The following B4GALT3 variants were observed in gnomAD, a reference collection of about 807,000 sequenced individuals.
B4GALT3 encodes beta-1,4-galactosyltransferase 3.
B4GALT3 carries 29 observed loss-of-function variants against 40.7 expected under a neutral mutation model. The observed-to-expected ratio is 0.71, with a 90% confidence interval of 0.53 to 0.97. The LOEUF (loss-of-function observed/expected upper bound fraction) is 0.97, where lower values mean the gene tolerates loss of function less well. Among genes scored for constraint, B4GALT3 ranks in the 50% least tolerant of loss-of-function variants. The pLI is 0.00. For missense variants in B4GALT3, 390 were observed against 522.3 expected (o/e 0.75, Z 2.47); for synonymous variants, 182 against 203.9 (o/e 0.89, Z 0.92).
chr1:161,171,356 C>T lies in B4GALT3; in HGVS notation c.*460G>A. On this transcript the variant is annotated 3_prime_UTR_variant, in exon 8 of 8. Transcript: ENST00000319769. ...AGAAAATATATCAAAATCCCAGCCC[C>T]CTGAGCCAGGACCAGAAGAGGGAGC... The T allele has an allele frequency of 9.0e-7, 1 of 1,107,970 alleles. No individual in the cohort carries two copies. Among genetic ancestry groups the T allele is most frequent in the Admixed American group, 2.1e-5 (1 of 47,556 alleles). 68.6% of individuals were successfully genotyped at this position (1,107,970 alleles called of 1,614,324 possible). A position where few individuals can be genotyped will look rare whatever the true frequency, so the allele number is the denominator to read the frequency against.
chr1:161,174,074 G>A (rs1416503427), intron 4 of B4GALT3, 25 bp from the exon 5 acceptor site: 1 of 1,607,798 alleles, frequency 6.2e-7, no homozygotes, highest in Admixed American at 1.7e-5. Flanking sequence ...AGGGGAACCA[G>A]ACTATGTCTG....
chr1:161,177,407 T>G lies in B4GALT3; in HGVS notation c.-161+16A>C. On this transcript the variant is annotated intron_variant, in intron 1 of 7. Transcript: ENST00000319769. ...TATCCCAGGCCTCCGTGTCGACGCA[T>G]TCCCAGCGCACATACCTGGTCTTTT... is the stretch of plus-strand genomic sequence containing the variant. The G allele has an allele frequency of 8.1e-6, 2 of 248,444 alleles. No individual in the cohort carries two copies. Among genetic ancestry groups the G allele is most frequent in the Non-Finnish European group, 1.6e-5 (2 of 123,602 alleles). 15.4% of individuals were successfully genotyped at this position (248,444 alleles called of 1,614,324 possible).
intron 2 of B4GALT3, 64 bp from the exon 3 acceptor site, chr1:161,176,138 T>TAGGTAGGGTTGA: frequency 6.4e-7 from 1 of 1,557,952 alleles, no homozygotes; most frequent in East Asian, 2.3e-5. Context: ...GAGAGGTCAG[T>TAGGTAGGGTTGA]AGGTAGGGTT....
chr1:161,175,091 G>T lies in B4GALT3; in HGVS notation c.391C>A (p.His131Asn). Reference protein sequence around the residue: ...PRSRTAIIVPHRAREHHLRLL... With the variant: ...PRSRTAIIVPNRAREHHLRLL... ...CGCAGGTGGTGCTCCCGGGCACGAT[G>T]AGGCACAATGATGGCTGTTCGGGAG... Residue 131 changes from histidine to asparagine, a missense_variant, in exon 4 of 8, where the codon CAT (histidine) becomes AAT (asparagine). Physicochemically the swap from His to Asn is moderately conservative, Grantham distance 68. Around this residue, in one of 3 missense-constraint regions of B4GALT3, gnomAD observed 183 missense variants for 223.2 expected, o/e 0.82. Transcript: ENST00000319769. 1 of 1,614,076 alleles carries T rather than the reference G, an allele frequency of 6.2e-7. No homozygotes were observed.
intron 6 of B4GALT3, 99 bp downstream of exon 6, chr1:161,173,506 G>A: frequency 3.2e-6 from 5 of 1,546,156 alleles, no homozygotes; most frequent in Non-Finnish European, 3.5e-6. Flanking sequence ...CAGGACCAGG[G>A]AGCTAAAGGT....
At position 161,175,826 on chromosome 1, in the gene B4GALT3, C is replaced by T. The variant is rs747427105; in HGVS notation, c.235G>A (p.Glu79Lys). ...PAPQGLPYCP[E>K]RSPLLVGPVS... The stretch of plus-strand genomic sequence containing the variant: ...CACTTACCTAAGAGAGGAGATCGTT[C>T]TGGACAGTAGGGCAGACCTTGAGGA... The change falls in exon 3 of 8, where the codon GAA becomes AAA. Residue 79 changes from glutamate to lysine, a missense_variant. Coordinates refer to ENST00000319769, the MANE Select transcript of B4GALT3 (RefSeq NM_003779.4). The T allele has an allele frequency of 1.2e-6, 2 of 1,614,130 alleles. No individual in the cohort carries two copies. The highest frequency in any genetic ancestry group is 1.7e-6 in the Non-Finnish European group (2 of 1,180,002).
Position 161,171,860 on chromosome 1 carries a change from G to A in B4GALT3, c.1138C>T (p.Pro380Ser). ...LQRRPPARPGPLSTANHTALR... is the reference protein window; with the variant it reads ...LQRRPPARPGSLSTANHTALR... Reference sequence around the variant, plus strand: ...GCTGTGTGGTTGGCAGTAGATAGAGGCCCAGGCCTGGCTGGGGGCCGGCGT... The same window carrying A: ...GCTGTGTGGTTGGCAGTAGATAGAGACCCAGGCCTGGCTGGGGGCCGGCGT... Residue 380 changes from proline (P) to serine (S), a missense_variant, in exon 8 of 8, where the codon CCT becomes TCT. This residue lies in a region of B4GALT3 where 72 missense variants were observed against 71.3 expected (regional missense o/e 1.01). Coordinates refer to ENST00000319769, the MANE Select transcript of B4GALT3 (RefSeq NM_003779.4). 6.2e-7 allele frequency: 1 copy of A among 1,614,186 alleles called. No homozygotes were observed. Among genetic ancestry groups the A allele is most frequent in the Non-Finnish European group, 8.5e-7 (1 of 1,180,032 alleles).
rs771570356 is a variant in B4GALT3, at chr1:161,171,799, TAG to T, written c.*15_*16del. ...CATGAATTCGGTTTCATGATTAAGG[TAG>T]ACAGGAAGGAGGAGTCAGTGTGAAC... On this transcript the variant is annotated 3_prime_UTR_variant, in exon 8 of 8. Coordinates refer to ENST00000319769, the MANE Select transcript of B4GALT3 (RefSeq NM_003779.4). The T allele has an allele frequency of 1.9e-6, 3 of 1,613,074 alleles. No individual in the cohort carries two copies. The highest frequency in any genetic ancestry group is 2.5e-6 in the Non-Finnish European group (3 of 1,179,546).
chr1:161,175,122 C>T lies in B4GALT3; in HGVS notation c.360G>A (p.Glu120=), dbSNP rs1663017838. The change falls in exon 4 of 8, where the codon GAG becomes GAA. Residue 120 remains glutamate, a synonymous_variant. Transcript: ENST00000319769. ...PGGRYRPAGC[E]PRSRTAIIVP... is the part of the protein sequence containing the mutation. ...CAATGATGGCTGTTCGGGAGCGGGG[C>T]TCACAACCTGCAGGGCGGTACCGGC... 1 of 1,613,848 alleles carries T rather than the reference C, an allele frequency of 6.2e-7. No homozygotes were observed.
chr1:161,173,907 G>C lies in B4GALT3; in HGVS notation c.632C>G (p.Pro211Arg), dbSNP rs770641073. 28 of 1,614,102 alleles carry C rather than the reference G, an allele frequency of 1.7e-5. No individual in the cohort carries two copies. The highest frequency in any genetic ancestry group is 2.3e-5 in the Non-Finnish European group (27 of 1,180,030). The change falls in exon 5 of 8, where the codon CCC becomes CGC. Residue 211 changes from proline (P) to arginine (R), a missense_variant. Around this residue, in one of 3 missense-constraint regions of B4GALT3, gnomAD observed 135 missense variants for 227.8 expected, o/e 0.59. Coordinates refer to ENST00000319769, the MANE Select transcript of B4GALT3 (RefSeq NM_003779.4). ...ENDHNLYVCD[P>R]RGPRHVAVAM... The stretch of plus-strand genomic sequence containing the variant: ...AACGGCAACATGGCGGGGTCCCCGG[G>C]GGTCACACACATACAGATTGTGGTC...
At chr1:161,176,870 C>T (rs1225913853) in intron 1 of B4GALT3, 1 of 1,535,962 alleles carries the variant, frequency 6.5e-7, no homozygotes, top group South Asian at 1.2e-5. Context: ...GTTGAAGTGG[C>T]GACAGAGTCA....
Position 161,171,616 on chromosome 1 carries a change from A to G in B4GALT3, c.*200T>C. ...AAGGATTCACAGTCATAAGCCCTAC[A>G]GGAGACCCTAGAGAGAGGGACCCCT... On this transcript the variant is annotated 3_prime_UTR_variant, in exon 8 of 8. Transcript: ENST00000319769. 1 of 675,370 alleles carries G rather than the reference A, an allele frequency of 1.5e-6. No homozygotes were observed. Among genetic ancestry groups the G allele is most frequent in the Non-Finnish European group, 2.5e-6 (1 of 405,790 alleles). 41.8% of individuals were successfully genotyped at this position (675,370 alleles called of 1,614,324 possible).
chr1:161,172,518 A>C, intron 6 of B4GALT3, 187 bp from the exon 7 acceptor site: 1 of 591,696 alleles, frequency 1.7e-6, no homozygotes, highest in East Asian at 2.9e-5. Flanking sequence ...ATGTATCCAA[A>C]TCCTCAGGGC....
chr1:161,175,157 C>T lies in B4GALT3; in HGVS notation c.325G>A (p.Glu109Lys). ...GCAGGGCGGTACCGGCCCCCTGGTT[C>T]TACCCGGGGATTCCGCTCCACAATC... ...AEIVERNPRV[E>K]PGGRYRPAGC... Residue 109 changes from glutamate (E) to lysine (K), a missense_variant, in exon 4 of 8, where the codon GAA becomes AAA. Physicochemically the swap from Glu to Lys is moderately conservative, Grantham distance 56. This residue lies in a region of B4GALT3 where 183 missense variants were observed against 223.2 expected (regional missense o/e 0.82). Transcript: ENST00000319769. The T allele has an allele frequency of 6.2e-7, 1 of 1,613,894 alleles. No individual in the cohort carries two copies. The highest frequency in any genetic ancestry group is 8.5e-7 in the Non-Finnish European group (1 of 1,179,896).
rs555392362 is a variant in B4GALT3 at position 161,177,467 on chromosome 1, C to G, written c.-205G>C. The G allele has an allele frequency of 3.2e-4, 56 of 172,670 alleles. No individual in the cohort carries two copies. The highest frequency in any genetic ancestry group is 1.1e-3 in the Admixed American group (19 of 16,980). 10.7% of individuals were successfully genotyped at this position (172,670 alleles called of 1,614,324 possible). A position where few individuals can be genotyped will look rare whatever the true frequency, so the allele number is the denominator to read the frequency against. ...CGTCACCGCCACCCCAACAGCCGGG[C>G]AGGCATCGCTGCCGCCATCTTGGAA... On this transcript the variant is annotated 5_prime_UTR_variant, in exon 1 of 8. Transcript: ENST00000319769.
Position 161,171,907 on chromosome 1 carries a change from G to T in B4GALT3, c.1091C>A (p.Ala364Asp). 1 of 1,614,182 alleles carries T rather than the reference G, an allele frequency of 6.2e-7. No homozygotes were observed. Among genetic ancestry groups the T allele is most frequent in the Non-Finnish European group, 8.5e-7 (1 of 1,180,028 alleles). ...GPRYPPGSSQAFRQEMLQRRP... is the reference protein window; with the variant it reads ...GPRYPPGSSQDFRQEMLQRRP... ...GCGTTGCAGCATCTCTTGACGGAAG[G>T]CTTGGGAGGAACCAGGTGGGTAACG... Residue 364 changes from alanine to aspartate, a missense_variant, in exon 8 of 8, where the codon GCC becomes GAC. By Grantham distance (126) the Ala-to-Asp change is moderately radical (BLOSUM62 -2). Coordinates refer to ENST00000319769, the MANE Select transcript of B4GALT3 (RefSeq NM_003779.4).
intron 1 of B4GALT3, 134 bp from the exon 2 acceptor site, chr1:161,176,713 T>A (rs1344683694): frequency 5.9e-6 from 4 of 679,004 alleles, no homozygotes; most frequent in East Asian, 2.7e-5. Flanking sequence ...AGATGGTAGG[T>A]CCCTCGCCTA....
At chr1:161,173,560 G>A (rs1193359605) in intron 6 of B4GALT3, 45 bp downstream of exon 6, 4 of 1,612,172 alleles carry the variant, frequency 2.5e-6, no homozygotes, top group Non-Finnish European at 2.5e-6. Flanking sequence ...AGAGGACAGG[G>A]ATCCAGACTG....
In B4GALT3 at chr1:161,173,990, C is replaced by T. The variant is rs1662474068; in HGVS notation, c.549G>A (p.Leu183=). The T allele has an allele frequency of 1.9e-6, 3 of 1,614,032 alleles. No homozygotes were observed. In the South Asian group the frequency reaches 3.3e-5, roughly 18 times the overall value. The change falls in exon 5 of 8, where the codon CTG becomes CTA. Residue 183 remains leucine, a synonymous_variant. Transcript: ENST00000319769. Reference sequence around the variant, plus strand: ...ACAGGCAGTCCCACTCTTCATCACGCAGGGCCTCTCGCACCCCAACGTTCA... The same window carrying T: ...ACAGGCAGTCCCACTCTTCATCACGTAGGGCCTCTCGCACCCCAACGTTCA... The part of the protein sequence containing the change: ...KLLNVGVREA[L]RDEEWDCLFL...
Sources: allele counts gnomAD v4.1 joint callset, GRCh38; gene constraint gnomAD v4.1.1; regional missense constraint gnomAD v4.1.1; transcripts MANE v1.5; gene names NCBI Gene and HGNC (gene_info 2026-07-23, HGNC 2026-07-21).